The following CA10 variants were observed in gnomAD, a reference collection of about 807,000 sequenced individuals.
The protein encoded by CA10 is carbonic anhydrase 10 (inactive).
Under a neutral mutation model 44.2 loss-of-function variants are expected in CA10, and 14 were observed. The observed-to-expected ratio is 0.32, with a 90% CI of 0.21 to 0.50. The LOEUF (loss-of-function observed/expected upper bound fraction) is 0.50. CA10 is among the 20% of genes least tolerant of loss of function. The pLI, the probability that CA10 is intolerant of heterozygous loss-of-function variation, is 0.99. For synonymous variants in CA10, 159 were observed against 141.6 expected (o/e 1.12, Z -0.87); for missense variants, 350 against 409.7 (o/e 0.85, Z 1.26).
intron 4 of CA10, among the ~76,000 whole-genome samples, chr17:51,736,486 A>AT (rs1916918082): frequency 6.6e-6 from 1 of 152,196 alleles, no homozygotes; most frequent in African/African-American, 2.4e-5. Flanking sequence ...CCTGATGCAG[A>AT]TATCTGGTGG....
At chr17:51,966,052 T>C (rs1984066916) in intron 2 of CA10, among the ~76,000 whole-genome samples, 1 of 151,878 alleles carries the variant, frequency 6.6e-6, no homozygotes, top group Admixed American at 6.6e-5. Flanking sequence ...CAAAAATCAG[T>C]ACCATTTCTA....
chr17:51,922,093 T>C (rs1420593291), intron 3 of CA10, among the ~76,000 whole-genome samples: 2 of 152,214 alleles, frequency 1.3e-5, no homozygotes, highest in African/African-American at 2.4e-5. Flanking sequence ...CTGCCAGTCA[T>C]TGGCTTGATA....
Position 51,631,295 on chromosome 17 carries a change from A to T in CA10, c.*289T>A. 1 of 373,882 alleles carries T rather than the reference A, an allele frequency of 2.7e-6. No homozygotes were observed. Among genetic ancestry groups the T allele is most frequent in the Non-Finnish European group, 4.8e-6 (1 of 206,472 alleles). The allele number at this position is 373,882 out of a possible 1,614,324, so 23.2% of individuals were successfully genotyped here. A position where few individuals can be genotyped will look rare whatever the true frequency, so the allele number is the denominator to read the frequency against. ...TTATGAATGAGACTTTTGTTTCTGAAACTTGACTTCCCATGATGGAGGTTG... is the reference window on the plus strand; with the variant it reads ...TTATGAATGAGACTTTTGTTTCTGATACTTGACTTCCCATGATGGAGGTTG... On this transcript the variant is annotated 3_prime_UTR_variant, in exon 9 of 9. Transcript: ENST00000451037.
chr17:52,134,990 T>C (rs1026563469), intron 1 of CA10: 1 of 518,670 alleles, frequency 1.9e-6, no homozygotes, highest in African/African-American at 1.9e-5. Context: ...CTTCAACAGG[T>C]TACCTGCATC....
At chr17:52,129,405 T>C (rs1478205430) in intron 1 of CA10, among the ~76,000 whole-genome samples, 1 of 152,226 alleles carries the variant, frequency 6.6e-6, no homozygotes, top group Non-Finnish European at 1.5e-5. Flanking sequence ...AATTAATTCA[T>C]TTAATCTTCA....
At chr17:52,042,544 C>A (rs571593020) in intron 2 of CA10, among the ~76,000 whole-genome samples, 1 of 151,948 alleles carries the variant, frequency 6.6e-6, no homozygotes, top group Non-Finnish European at 1.5e-5. Context: ...TTCTCCCATT[C>A]TATAGTTTGC....
intron 3 of CA10, among the ~76,000 whole-genome samples, chr17:51,813,882 G>A (rs994378048): frequency 4.6e-5 from 7 of 152,152 alleles, no homozygotes; most frequent in African/African-American, 1.7e-4. Context: ...GCCTAGCTCT[G>A]ACCCTAAATC....
intron 3 of CA10, chr17:51,748,628 G>A (rs1904791082): frequency 3.8e-6 from 1 of 260,276 alleles, no homozygotes; most frequent in African/African-American, 2.3e-5. Context: ...TTAGCTCTGG[G>A]AGTAGGATCT....
At chr17:51,654,617 C>G (rs138240528) in intron 4 of CA10, among the ~76,000 whole-genome samples, 1 of 151,142 alleles carries the variant, frequency 6.6e-6, no homozygotes, top group Non-Finnish European at 1.5e-5. Flanking sequence ...AGTGCAGTGG[C>G]GCGATTTCAG....
chr17:52,129,796 A>G (rs868457074), intron 1 of CA10, among the ~76,000 whole-genome samples: 68 of 152,348 alleles, frequency 4.5e-4, no homozygotes, highest in South Asian at 8.3e-4. Context: ...GCCTGGACAC[A>G]GGGAAGGGGT....
At chr17:52,158,800 G>A (rs1324175970), upstream of CA10, 4 of 153,040 alleles carry the variant, frequency 2.6e-5, no homozygotes, top group Admixed American at 1.3e-4. Context: ...GCGGGAGGGG[G>A]AGGAGGAGAA....
At chr17:52,127,769 C>T (rs989517953) in intron 1 of CA10, among the ~76,000 whole-genome samples, 51 of 152,204 alleles carry the variant, frequency 3.4e-4, no homozygotes, top group African/African-American at 8.7e-4. Flanking sequence ...TTTCTTATTT[C>T]GGTTTTTAGC....
chr17:51,781,420 G>C, intron 3 of CA10, among the ~76,000 whole-genome samples: 1 of 152,276 alleles, frequency 6.6e-6, no homozygotes, highest in East Asian at 1.9e-4. Context: ...TAGAAGCAAG[G>C]TGTTTTGTTT....
intron 1 of CA10, among the ~76,000 whole-genome samples, chr17:52,154,140 A>G (rs1393510576): frequency 1.3e-5 from 2 of 152,198 alleles, no homozygotes; most frequent in Non-Finnish European, 2.9e-5. Context: ...ACTTCAATTC[A>G]TTTAACCTAA....
chr17:51,953,080 C>T (rs1313677432), intron 2 of CA10, among the ~76,000 whole-genome samples: 1 of 152,128 alleles, frequency 6.6e-6, no homozygotes, highest in South Asian at 2.1e-4. Flanking sequence ...AAGTCTTATA[C>T]AAACTTTCCT....
intron 1 of CA10, among the ~76,000 whole-genome samples, chr17:52,132,083 C>T (rs1989254658): frequency 4.0e-5 from 6 of 151,730 alleles, no homozygotes; most frequent in Admixed American, 3.9e-4. Flanking sequence ...ATGGGTACAG[C>T]ACACCAGCAT....
intron 3 of CA10, among the ~76,000 whole-genome samples, chr17:51,812,344 T>C (rs1348541355): frequency 2.6e-5 from 4 of 152,238 alleles, no homozygotes; most frequent in Non-Finnish European, 5.9e-5. Context: ...ATCTATATGG[T>C]AGAGATAGCA....
intron 2 of CA10, among the ~76,000 whole-genome samples, chr17:52,064,538 T>G (rs1459988697): frequency 6.7e-6 from 1 of 148,814 alleles, no homozygotes; most frequent in Admixed American, 6.8e-5. Flanking sequence ...AAAGAAGAGC[T>G]TACACTCCTT....
chr17:52,013,608 T>C (rs1007614172), intron 2 of CA10, among the ~76,000 whole-genome samples: 8 of 152,090 alleles, frequency 5.3e-5, no homozygotes, highest in Non-Finnish European at 8.8e-5. Context: ...AAGAAATAGA[T>C]TACCATCCAA....
Sources: allele counts gnomAD v4.1 joint callset (sites outside exome capture counted in the v4.1 genomes callset), GRCh38; gene constraint gnomAD v4.1.1; transcripts MANE v1.5; gene names NCBI Gene and HGNC (gene_info 2026-07-23, HGNC 2026-07-21).